Variants in GLIS3 observed in about 807,000 individuals in gnomAD.
GLIS3 encodes the protein GLIS family zinc finger 3.
A neutral mutation model predicts 78.6 loss-of-function variants in GLIS3; 53 were observed. The ratio of observed to expected loss-of-function variants is 0.67; its 90% CI spans 0.54 to 0.85. The LOEUF (loss-of-function observed/expected upper bound fraction) is 0.85, where lower values mean the gene tolerates loss of function less well. Among genes scored for constraint, GLIS3 ranks in the 40% least tolerant of loss-of-function variants. The pLI, the probability that GLIS3 is intolerant of heterozygous loss-of-function variation, is 0.00. For synonymous variants in GLIS3, 684 were observed against 509.9 expected (o/e 1.34, Z -4.60); for missense variants, 1,703 against 1,231.1 (o/e 1.38, Z -5.74).
chr9:4,375,923 G>C, the GLIS3 span, among the ~76,000 whole-genome samples: 1 of 152,160 alleles, frequency 6.6e-6, no homozygotes, highest in African/African-American at 2.4e-5. Flanking sequence ...CCAGTTTCTA[G>C]TGCCAGCTAC....
intron 2 of GLIS3, among the ~76,000 whole-genome samples, chr9:4,264,996 C>G (rs1341212665): frequency 6.7e-6 from 1 of 150,134 alleles, no homozygotes; most frequent in Non-Finnish European, 1.5e-5. Flanking sequence ...GAAACCCCAT[C>G]TCTACTAAAA....
chr9:3,904,424 C>G (rs1823522609), intron 6 of GLIS3, among the ~76,000 whole-genome samples: 1 of 152,172 alleles, frequency 6.6e-6, no homozygotes, highest in Non-Finnish European at 1.5e-5. Flanking sequence ...ACTTGTCAGC[C>G]CCCATAATCT....
chr9:4,408,893 A>C, the GLIS3 span, among the ~76,000 whole-genome samples: 2 of 152,076 alleles, frequency 1.3e-5, no homozygotes, highest in Non-Finnish European at 2.9e-5. Context: ...ATGGATACCC[A>C]GTTTTCCATG....
chr9:3,877,402 C>A (rs1821389020), intron 8 of GLIS3, among the ~76,000 whole-genome samples: 1 of 152,200 alleles, frequency 6.6e-6, no homozygotes, highest in Non-Finnish European at 1.5e-5. Context: ...TTACACTTTA[C>A]CTTGTGCATA....
intron 4 of GLIS3, among the ~76,000 whole-genome samples, chr9:4,016,169 G>C (rs543581483): frequency 2.4e-4 from 36 of 152,272 alleles, no homozygotes; most frequent in African/African-American, 8.2e-4. Context: ...AGTAAACTGA[G>C]TGAGTGAATG....
At chr9:4,331,143 A>G (rs1330257538) in intron 2 of GLIS3, among the ~76,000 whole-genome samples, 2 of 151,112 alleles carry the variant, frequency 1.3e-5, no homozygotes. Context: ...GTAAGTCTCA[A>G]GTTGTCAGCA....
chr9:4,434,848 A>G, the GLIS3 span, among the ~76,000 whole-genome samples: 1 of 152,232 alleles, frequency 6.6e-6, no homozygotes, highest in African/African-American at 2.4e-5. Flanking sequence ...GATGCTGACT[A>G]CAACCCATGT....
At chr9:4,152,995 T>C (rs1834793110) in intron 2 of GLIS3, among the ~76,000 whole-genome samples, 1 of 152,182 alleles carries the variant, frequency 6.6e-6, no homozygotes, top group South Asian at 2.1e-4. Context: ...TGTTCCATAG[T>C]TTTTTGTTGC....
At chr9:4,204,893 G>C (rs11790393) in intron 2 of GLIS3, among the ~76,000 whole-genome samples, 1 of 141,466 alleles carries the variant, frequency 7.1e-6, no homozygotes, top group African/African-American at 2.5e-5. Flanking sequence ...TTGCCTGGGT[G>C]ACAAAGCAAA....
intron 2 of GLIS3, among the ~76,000 whole-genome samples, 160 bp from the exon 3 acceptor site, chr9:4,126,101 A>G (rs1832555454): frequency 6.6e-6 from 1 of 152,132 alleles, no homozygotes; most frequent in Admixed American, 6.6e-5. Flanking sequence ...TCCAATTCCA[A>G]TGACAAAGCC....
intron 2 of GLIS3, among the ~76,000 whole-genome samples, chr9:4,166,187 A>C (rs895776019): frequency 5.3e-5 from 8 of 152,344 alleles, no homozygotes; most frequent in African/African-American, 1.7e-4. Flanking sequence ...TGTCGGGCTC[A>C]TATTAAGCAT....
chr9:4,070,080 G>C (rs1285457127), intron 4 of GLIS3, among the ~76,000 whole-genome samples: 4 of 152,104 alleles, frequency 2.6e-5, no homozygotes, highest in African/African-American at 9.7e-5. Flanking sequence ...AAATACTCAA[G>C]TGATTCTGAC....
intron 7 of GLIS3, among the ~76,000 whole-genome samples, chr9:3,884,652 T>A (rs1004986388): frequency 6.6e-6 from 1 of 152,180 alleles, no homozygotes; most frequent in Non-Finnish European, 1.5e-5. Context: ...TTAAGACTTA[T>A]TGAGCATTTA....
chr9:4,246,840 G>T lies in GLIS3; in HGVS notation c.388+39198C>A, dbSNP rs561596259. The stretch of plus-strand genomic sequence containing the variant: ...TAAAACTTTAAATTGTGTTTCATTG[G>T]TTTTTATGAATATTATTTAATGAAT... On this transcript the variant is annotated intron_variant, in intron 2 of 10. Transcript: ENST00000381971. Among the ~76,000 whole-genome samples the T allele has an allele frequency of 7.2e-5, 11 of 152,186 alleles. No homozygotes were observed. The South Asian group carries it at 2.3e-3, about 32-fold the overall frequency.
At chr9:4,224,536 A>C (rs190908511) in intron 2 of GLIS3, among the ~76,000 whole-genome samples, 1 of 152,240 alleles carries the variant, frequency 6.6e-6, no homozygotes, top group East Asian at 1.9e-4. Flanking sequence ...GGACACTAAG[A>C]TTCTACACAG....
At chr9:4,404,352 T>C in the GLIS3 span, among the ~76,000 whole-genome samples, 2 of 152,208 alleles carry the variant, frequency 1.3e-5, no homozygotes, top group Non-Finnish European at 2.9e-5. Context: ...GGACTAAATC[T>C]GCGCTATGGA....
chr9:4,384,934 C>T, the GLIS3 span, among the ~76,000 whole-genome samples: 2 of 151,362 alleles, frequency 1.3e-5, no homozygotes, highest in Non-Finnish European at 2.9e-5. Flanking sequence ...GTCATTGTAA[C>T]GATTTTCAAC....
At chr9:4,211,949 T>C (rs1820415088) in intron 2 of GLIS3, among the ~76,000 whole-genome samples, 1 of 152,348 alleles carries the variant, frequency 6.6e-6, no homozygotes, top group South Asian at 2.1e-4. Context: ...ATTCCAATTG[T>C]ATGAAATGCC....
intron 10 of GLIS3, 130 bp downstream of exon 10, chr9:3,829,180 C>T: frequency 4.0e-6 from 3 of 759,440 alleles, no homozygotes; most frequent in South Asian, 1.5e-5. Flanking sequence ...AGAGCCATTT[C>T]AGGGGTCGTT....
Sources: gnomAD v4.1 joint callset for allele counts (sites outside exome capture counted in the v4.1 genomes callset) on GRCh38, gnomAD v4.1.1 for gene constraint, MANE v1.5 for transcripts, NCBI Gene and HGNC (gene_info 2026-07-23, HGNC 2026-07-21) for gene names.